The following TTF1 variants were observed in gnomAD, a reference collection of about 807,000 sequenced individuals.
TTF1 encodes transcription termination factor 1.
TTF1 carries 64 observed loss-of-function variants against 80.2 expected under a neutral mutation model. That is an observed-to-expected ratio of 0.80 (90% CI 0.65 to 0.98). TTF1 has a LOEUF of 0.98. Ranked by LOEUF, TTF1 falls within the 50% of genes least tolerant of loss-of-function variation. The pLI, the probability that TTF1 is intolerant of heterozygous loss-of-function variation, is 0.00. For missense variants in TTF1, 1,023 were observed against 1,086.2 expected, an observed-to-expected ratio of 0.94 and a Z score of 0.82; for synonymous variants, 372 against 382.7, an observed-to-expected ratio of 0.97 and a Z score of 0.33.
intron 3 of TTF1, 68 bp downstream of exon 3, chr9:132,399,967 T>C (rs1041887007): frequency 3.3e-6 from 5 of 1,501,454 alleles, no homozygotes; most frequent in East Asian, 2.3e-5. Context: ...GAATCATCCA[T>C]AAAAGAAAGT....
intron 9 of TTF1, among the ~76,000 whole-genome samples, chr9:132,382,817 G>A (rs925364312): frequency 3.4e-5 from 5 of 148,846 alleles, no homozygotes; most frequent in African/African-American, 1.2e-4. Context: ...TGTAATCTCA[G>A]CAATTTGGGA....
chr9:132,391,787 C>A (rs1236714914), intron 6 of TTF1, among the ~76,000 whole-genome samples: 1 of 152,242 alleles, frequency 6.6e-6, no homozygotes, highest in Admixed American at 6.5e-5. Context: ...TGACCCTCCG[C>A]CCAGGCTCTC....
In TTF1 at chr9:132,397,633, A is replaced by T. The variant is rs144269287; in HGVS notation, c.1777+508T>A. 3.1e-3 allele frequency among the ~76,000 whole-genome samples: 477 copies of T among 152,264 alleles called. 2 individuals are homozygous for T. Among genetic ancestry groups the T allele is most frequent in the African/African-American group, 0.011 (463 of 41,528 alleles). On this transcript the variant is annotated intron_variant, in intron 4 of 10. Coordinates refer to ENST00000334270, the MANE Select transcript of TTF1 (RefSeq NM_007344.4). Reference sequence around the variant, plus strand: ...GTAAAAGTTGATCATTTAATTTTTCACCCTAAACTTGGGAGACATGAACAC... The same window carrying T: ...GTAAAAGTTGATCATTTAATTTTTCTCCCTAAACTTGGGAGACATGAACAC...
chr9:132,393,522 C>T (rs1849597318), intron 5 of TTF1, among the ~76,000 whole-genome samples: 3 of 152,228 alleles, frequency 2.0e-5, no homozygotes, highest in Admixed American at 1.3e-4. Context: ...CCCATCCCTT[C>T]GTTTCCCATA....
At chr9:132,378,461 GGT>G (rs1382607711) in intron 10 of TTF1, among the ~76,000 whole-genome samples, 4 of 137,748 alleles carry the variant, frequency 2.9e-5, no homozygotes, top group African/African-American at 1.1e-4. Flanking sequence ...GAGTGCATGT[GGT>G]GTGTGTGAGT....
intron 9 of TTF1, among the ~76,000 whole-genome samples, chr9:132,383,486 G>A (rs142945779): frequency 4.7e-4 from 72 of 152,284 alleles, no homozygotes; most frequent in African/African-American, 1.5e-3. Flanking sequence ...GGGAAAAACC[G>A]TATTCCCTTG....
In TTF1 at chr9:132,376,108, AT is replaced by A; in HGVS notation, c.2524del (p.Met842Ter). 3.7e-6 allele frequency: 6 copies of A among 1,613,988 alleles called. No homozygotes were observed. Among genetic ancestry groups the A allele is most frequent in the Non-Finnish European group, 5.1e-6 (6 of 1,180,008 alleles). On this transcript the variant is annotated frameshift_variant, in exon 11 of 11. Coordinates refer to ENST00000334270, the MANE Select transcript of TTF1 (RefSeq NM_007344.4). LOFTEE classifies it low-confidence loss of function (END_TRUNC). ...LPLLKEKLEK[M>X]MEKKGTKIQT... is the part of the protein sequence containing the mutation. ...GATTTTAGTGCCTTTTTTCTCCATCATTTTTTCTAACTTTTCCTTCAGCAAA... is the reference window on the plus strand; with the variant it reads ...GATTTTAGTGCCTTTTTTCTCCATCATTTTTCTAACTTTTCCTTCAGCAAA...
chr9:132,380,472 CT>C (rs1849349852), intron 9 of TTF1, among the ~76,000 whole-genome samples: 1 of 152,192 alleles, frequency 6.6e-6, no homozygotes, highest in Non-Finnish European at 1.5e-5. Context: ...TGCCCACAGA[CT>C]TTAAGTGGAG....
rs1315595341 is a variant in TTF1 at position 132,392,172 on chromosome 9, A to T, written c.1891T>A (p.Tyr631Asn). 1 of 1,614,090 alleles carries T rather than the reference A, an allele frequency of 6.2e-7. No individual in the cohort carries two copies. Among genetic ancestry groups the T allele is most frequent in the Non-Finnish European group, 8.5e-7 (1 of 1,180,044 alleles). The change falls in exon 6 of 11, where the codon TAC becomes AAC. Residue 631 changes from tyrosine (Y) to asparagine (N), a missense_variant. By Grantham distance (143) the Tyr-to-Asn change is moderately radical. Coordinates refer to ENST00000334270, the MANE Select transcript of TTF1 (RefSeq NM_007344.4). ...CAGTCATTCCCAAGGAGAGAATGGT[A>T]CATCTTTAACTTCTCAGTATCTCCT... is the stretch of plus-strand genomic sequence containing the variant. ...SEGDTEKLKM[Y>N]HSLLGNDWKT...
At chr9:132,378,102 ATGTGGTGTGTGTGAG>A (rs1849269130) in intron 10 of TTF1, among the ~76,000 whole-genome samples, 2 of 66,276 alleles carry the variant, frequency 3.0e-5, no homozygotes, top group East Asian at 1.4e-3. Context: ...GTGTGAGTGC[ATGTGGTGTGTGTGAG>A]TGCATGCATG....
intron 7 of TTF1, among the ~76,000 whole-genome samples, chr9:132,389,760 T>C (rs1212638927): frequency 6.6e-6 from 1 of 152,168 alleles, no homozygotes; most frequent in Non-Finnish European, 1.5e-5. Context: ...GCTCCGCGAC[T>C]CTCCAGGTCT....
intron 9 of TTF1, among the ~76,000 whole-genome samples, chr9:132,385,804 CAATA>C (rs1849456415): frequency 7.1e-6 from 1 of 140,806 alleles, no homozygotes; most frequent in South Asian, 2.3e-4. Context: ...AGAAGGTAGT[CAATA>C]ATTATTATTA....
intron 3 of TTF1, among the ~76,000 whole-genome samples, chr9:132,399,166 T>A (rs1172803570): frequency 7.5e-6 from 1 of 133,100 alleles, no homozygotes; most frequent in Non-Finnish European, 1.5e-5. Context: ...GCCACTGCAC[T>A]CCAGCCTGGG....
intron 10 of TTF1, among the ~76,000 whole-genome samples, chr9:132,378,091 G>GGTGTGTGTGTGAATGCATGTGGT (rs1849267852): frequency 9.4e-6 from 1 of 106,360 alleles, no homozygotes; most frequent in Non-Finnish European, 1.9e-5. Context: ...GAGTGCATGT[G>GGTGTGTGTGTGAATGCATGTGGT]GTGTGAGTGC....
rs1282170792 is a variant in TTF1 at position 132,402,759 on chromosome 9, C to G, written c.63G>C (p.Lys21Asn). ...GAGGTCTTTCCTTATGTATAGAACA[C>G]TTTTTCTTTTTCTTGTCAGAAACTG... is the stretch of plus-strand genomic sequence containing the variant. Reference protein sequence around the residue: ...HTPVSDKKKKKCSIHKERPQK... With the variant: ...HTPVSDKKKKNCSIHKERPQK... The change falls in exon 2 of 11, where the codon AAG (lysine) becomes AAC (asparagine). Residue 21 changes from lysine (K) to asparagine (N), a missense_variant. Lys to Asn is a moderately conservative substitution (Grantham distance 94). Transcript: ENST00000334270. The G allele has an allele frequency of 1.2e-6, 2 of 1,600,880 alleles. No individual in the cohort carries two copies. The highest frequency in any genetic ancestry group is 8.5e-7 in the Non-Finnish European group (1 of 1,176,910).
chr9:132,404,785 G>A, intron 1 of TTF1, among the ~76,000 whole-genome samples: 1 of 152,114 alleles, frequency 6.6e-6, no homozygotes, highest in East Asian at 1.9e-4. Context: ...TCCAGCAAGA[G>A]TGCCTTTGTT....
Position 132,401,589 on chromosome 9 carries a change from A to C in TTF1, c.1233T>G (p.Ser411Arg). 6.2e-7 allele frequency: 1 copy of C among 1,614,092 alleles called. No homozygotes were observed. The highest frequency in any genetic ancestry group is 1.7e-5 in the Admixed American group (1 of 60,008). Residue 411 changes from serine to arginine, a missense_variant, in exon 2 of 11, where the codon AGT (serine) becomes AGG (arginine). Ser to Arg is a moderately radical substitution (Grantham distance 110). Transcript: ENST00000334270. ...CAAAGAGTGTGCTCTCAGAGTTCTT[A>C]CTGGGCACTGAAAAATCATCACCAG... The part of the protein sequence containing the change: ...RVSGDDFSVP[S>R]KNSESTLFDS...
At position 132,393,728 on chromosome 9, in the gene TTF1, C is replaced by T. The variant is rs1198704449; in HGVS notation, c.1857-1522G>A. Among the ~76,000 whole-genome samples the T allele has an allele frequency of 4.6e-5, 7 of 152,102 alleles. No individual in the cohort carries two copies. In the East Asian group the frequency reaches 5.8e-4, roughly 13 times the overall value. ...CTAGCACCGCTGGGTTAGGGTCTCCCGGACCGAGCTGGTCTCAGCAAACAC... is the reference window on the plus strand; with the variant it reads ...CTAGCACCGCTGGGTTAGGGTCTCCTGGACCGAGCTGGTCTCAGCAAACAC... On this transcript the variant is annotated intron_variant, in intron 5 of 10. Coordinates refer to ENST00000334270, the MANE Select transcript of TTF1 (RefSeq NM_007344.4).
intron 5 of TTF1, among the ~76,000 whole-genome samples, chr9:132,393,277 C>CCT (rs55845213): frequency 6.6e-6 from 1 of 151,796 alleles, no homozygotes. Context: ...AAGCCCCCCC[C>CCT]GCAAACTGGC....
Sources: gnomAD v4.1 joint callset for allele counts (sites outside exome capture counted in the v4.1 genomes callset) on GRCh38, gnomAD v4.1.1 for gene constraint, MANE v1.5 for transcripts, NCBI Gene and HGNC (gene_info 2026-07-23, HGNC 2026-07-21) for gene names.